The following COL5A2 variants were observed in gnomAD, a reference collection of about 807,000 sequenced individuals.
COL5A2 encodes collagen type V alpha 2 chain.
Under a neutral mutation model 208.2 loss-of-function variants are expected in COL5A2, and 23 were observed. That is an observed-to-expected ratio of 0.11 (90% CI 0.08 to 0.16). COL5A2 has a LOEUF of 0.16. COL5A2 is among the 10% of genes least tolerant of loss of function. The probability of loss-of-function intolerance (pLI) is 1.00; values close to 1 mark genes in which losing one functional copy is unlikely to be tolerated. For missense variants in COL5A2, 1,590 were observed against 1,956.4 expected (o/e 0.81, Z 3.53); for synonymous variants, 625 against 628.5 (o/e 0.99, Z 0.08).
At chr2:189,387,135 TA>T in the COL5A2 span, among the ~76,000 whole-genome samples, 1,438 of 152,180 alleles carry the variant, frequency 9.4e-3, 11 homozygotes, top group Non-Finnish European at 0.016. Flanking sequence ...TATACAGTCA[TA>T]AAAAAGAATG....
At chr2:189,333,535 T>C in the COL5A2 span, among the ~76,000 whole-genome samples, 1 of 152,164 alleles carries the variant, frequency 6.6e-6, no homozygotes, top group Non-Finnish European at 1.5e-5. Flanking sequence ...ATGAGTTGAA[T>C]TGTCTACCCC....
At chr2:189,096,499 G>A (rs1317553511) in intron 6 of COL5A2, among the ~76,000 whole-genome samples, 1 of 151,788 alleles carries the variant, frequency 6.6e-6, no homozygotes, top group Non-Finnish European at 1.5e-5. Context: ...GCGGGCAACT[G>A]TAGTCCCAGC....
chr2:189,416,446 C>A, the COL5A2 span, among the ~76,000 whole-genome samples: 1 of 152,228 alleles, frequency 6.6e-6, no homozygotes, highest in South Asian at 2.1e-4. Context: ...TCATTGCCAG[C>A]AAACTATCGC....
At chr2:189,389,805 G>T in the COL5A2 span, among the ~76,000 whole-genome samples, 7 of 152,114 alleles carry the variant, frequency 4.6e-5, no homozygotes, top group Non-Finnish European at 1.0e-4. Context: ...ATAAACTGAA[G>T]ATCACTGCAA....
chr2:189,406,244 A>G, the COL5A2 span, among the ~76,000 whole-genome samples: 1 of 152,298 alleles, frequency 6.6e-6, no homozygotes, highest in African/African-American at 2.4e-5. Flanking sequence ...TTTATACTAT[A>G]CTGCTGAAAA....
At chr2:189,045,487 A>G (rs921364485) in intron 46 of COL5A2, among the ~76,000 whole-genome samples, 1 of 152,182 alleles carries the variant, frequency 6.6e-6, no homozygotes, top group Non-Finnish European at 1.5e-5. Context: ...TTGAATAAGT[A>G]TCACCTTAGT....
the COL5A2 span, among the ~76,000 whole-genome samples, chr2:189,396,755 G>A: frequency 4.7e-4 from 71 of 151,512 alleles, no homozygotes; most frequent in Non-Finnish European, 7.5e-4. Context: ...AGGCCGAGGC[G>A]GGCAGATCAC....
At chr2:189,037,337 TG>T (rs1374854780) in intron 51 of COL5A2, among the ~76,000 whole-genome samples, 2 of 152,198 alleles carry the variant, frequency 1.3e-5, no homozygotes, top group African/African-American at 4.8e-5. Flanking sequence ...AGGCAGTGCC[TG>T]GTGGTAGGCA....
chr2:189,114,694 G>A (rs904032227), intron 1 of COL5A2, among the ~76,000 whole-genome samples: 1 of 151,148 alleles, frequency 6.6e-6, no homozygotes, highest in Non-Finnish European at 1.5e-5. Flanking sequence ...AGGGAGTAGG[G>A]TGGGGTTGCG....
the COL5A2 span, among the ~76,000 whole-genome samples, chr2:189,430,983 C>T: frequency 6.6e-6 from 1 of 152,194 alleles, no homozygotes; most frequent in East Asian, 1.9e-4. Context: ...GAGGAAGGAT[C>T]AGGCAGCAAT....
chr2:189,356,244 T>C, the COL5A2 span, among the ~76,000 whole-genome samples: 1 of 152,172 alleles, frequency 6.6e-6, no homozygotes. Context: ...CTGAGAATTA[T>C]GTGTCTTGGG....
At chr2:189,157,671 T>C (rs766413919) in intron 1 of COL5A2, among the ~76,000 whole-genome samples, 1 of 151,974 alleles carries the variant, frequency 6.6e-6, no homozygotes, top group Non-Finnish European at 1.5e-5. Flanking sequence ...AAAAATAAAA[T>C]GTGGGCTAAT....
chr2:189,351,972 G>A, the COL5A2 span, among the ~76,000 whole-genome samples: 4 of 150,496 alleles, frequency 2.7e-5, no homozygotes, highest in African/African-American at 9.8e-5. Context: ...CCCACCCTCA[G>A]ACAGGCCCAG....
the COL5A2 span, among the ~76,000 whole-genome samples, chr2:189,301,677 A>T: frequency 1.3e-5 from 2 of 152,228 alleles, no homozygotes; most frequent in African/African-American, 4.8e-5. Flanking sequence ...ACTTCACCAG[A>T]GATTCAATGT....
At chr2:189,077,403 T>C (rs1686431137) in intron 16 of COL5A2, among the ~76,000 whole-genome samples, 1 of 152,164 alleles carries the variant, frequency 6.6e-6, no homozygotes, top group Admixed American at 6.6e-5. Context: ...ATTTTAATGA[T>C]GTGGATACAC....
intron 1 of COL5A2, among the ~76,000 whole-genome samples, chr2:189,224,066 G>A (rs1052192316): frequency 6.6e-6 from 1 of 151,972 alleles, no homozygotes; most frequent in Non-Finnish European, 1.5e-5. Context: ...AGGAGGGGTG[G>A]TGCCAAAGGA....
At chr2:189,146,687 AC>A (rs1243529036) in intron 1 of COL5A2, among the ~76,000 whole-genome samples, 1 of 152,166 alleles carries the variant, frequency 6.6e-6, no homozygotes, top group Non-Finnish European at 1.5e-5. Context: ...AATAAAATGA[AC>A]CACGGGACGT....
At chr2:189,294,322 C>T in the COL5A2 span, among the ~76,000 whole-genome samples, 1 of 152,116 alleles carries the variant, frequency 6.6e-6, no homozygotes, top group African/African-American at 2.4e-5. Context: ...GTTTTGAAAA[C>T]TGTATTTATA....
intron 42 of COL5A2, among the ~76,000 whole-genome samples, chr2:189,051,068 A>T (rs1257738015): frequency 2.0e-5 from 3 of 152,128 alleles, no homozygotes; most frequent in East Asian, 3.8e-4. Context: ...TTTTAAAGTT[A>T]TTCATACACA....
Sources: gnomAD v4.1 joint callset for allele counts (sites outside exome capture counted in the v4.1 genomes callset) on GRCh38, gnomAD v4.1.1 for gene constraint, MANE v1.5 for transcripts, NCBI Gene and HGNC (gene_info 2026-07-23, HGNC 2026-07-21) for gene names.